Variants in GNS observed in about 807,000 individuals in gnomAD.
GNS encodes the protein N-acetylglucosamine-6-sulfatase.
GNS carries 40 observed loss-of-function variants against 69.7 expected under a neutral mutation model. The ratio of observed to expected loss-of-function variants is 0.57; its 90% CI spans 0.45 to 0.75. GNS has a LOEUF of 0.75. GNS is among the 30% of genes least tolerant of loss of function. The probability of loss-of-function intolerance (pLI) is 0.00; values close to 1 mark genes in which losing one functional copy is unlikely to be tolerated. For missense variants in GNS, 565 were observed against 685.5 expected (o/e 0.82, Z 1.96); for synonymous variants, 243 against 251.6 (o/e 0.97, Z 0.32).
At position 64,745,658 on chromosome 12, in the gene GNS, C is replaced by T. The variant is rs1281016803; in HGVS notation, c.525+1G>A. The T allele has an allele frequency of 6.4e-7, 1 of 1,566,204 alleles. No homozygotes were observed. The highest frequency in any genetic ancestry group is 8.8e-7 in the Non-Finnish European group (1 of 1,136,334). On this transcript the variant is annotated splice_donor_variant, in intron 4 of 13. Coordinates refer to ENST00000258145, the MANE Select transcript of GNS (RefSeq NM_002076.4). LOFTEE classifies it high-confidence loss of function. The stretch of plus-strand genomic sequence containing the variant: ...TGTCACAGACTTCAATAATCACTCA[C>T]CAAGGCATACCAGTAACTCCAACCC...
chr12:64,732,044 T>A (rs2136241969), intron 9 of GNS, among the ~76,000 whole-genome samples: 1 of 152,164 alleles, frequency 6.6e-6, no homozygotes, highest in East Asian at 1.9e-4. Context: ...TGGAGTGCAA[T>A]GGTGCGATCT....
intron 9 of GNS, among the ~76,000 whole-genome samples, chr12:64,729,400 C>T (rs1280239976): frequency 6.6e-6 from 1 of 152,176 alleles, no homozygotes; most frequent in Non-Finnish European, 1.5e-5. Flanking sequence ...TTATTTTATA[C>T]AAAGTGTCTT....
At chr12:64,726,482 T>C (rs770602413) in intron 10 of GNS, among the ~76,000 whole-genome samples, 3 of 152,214 alleles carry the variant, frequency 2.0e-5, no homozygotes, top group Admixed American at 6.5e-5. Context: ...TTTAGAAGCA[T>C]CTTTATAAAT....
At position 64,715,839 on chromosome 12, in the gene GNS, A is replaced by C. The variant is rs1374341548; in HGVS notation, c.*902T>G. ...GTACAGCCCTTCCACTTGTCTGTTC[A>C]AGAGCCCTGTCTTCAGAAGGCCCTC... On this transcript the variant is annotated 3_prime_UTR_variant, in exon 14 of 14. Transcript: ENST00000258145. 1 of 152,232 alleles carries C rather than the reference A, an allele frequency of 6.6e-6. No individual in the cohort carries two copies. The allele number at this position is 152,232 out of a possible 1,614,324, so 9.4% of individuals were successfully genotyped here.
intron 8 of GNS, among the ~76,000 whole-genome samples, chr12:64,738,550 C>T (rs1342414237): frequency 3.3e-5 from 5 of 151,992 alleles, no homozygotes; most frequent in African/African-American, 9.7e-5. Context: ...GTGTGGCTCA[C>T]GTCTGTACTC....
rs1260221068 is a variant in GNS at position 64,714,863 on chromosome 12, A to AT, written c.*1877dup. 3 of 152,618 alleles carry AT rather than the reference A, an allele frequency of 2.0e-5. No individual in the cohort carries two copies. The highest frequency in any genetic ancestry group is 7.2e-5 in the African/African-American group (3 of 41,450). 9.5% of individuals were successfully genotyped at this position (152,618 alleles called of 1,614,324 possible). Reference sequence around the variant, plus strand: ...ATTCAACAGTGCTTTCAGTTACAACATTTTTTGAATTTCCTTCTCTAAAAC... The same window carrying AT: ...ATTCAACAGTGCTTTCAGTTACAACATTTTTTTGAATTTCCTTCTCTAAAAC... On this transcript the variant is annotated 3_prime_UTR_variant, in exon 14 of 14. Transcript: ENST00000258145.
chr12:64,729,013 A>G lies in GNS; in HGVS notation c.1143T>C (p.Ile381=), dbSNP rs778451711. The change falls in exon 10 of 14, where the codon ATT becomes ATC. Residue 381 remains isoleucine, a synonymous_variant. Coordinates refer to ENST00000258145, the MANE Select transcript of GNS (RefSeq NM_002076.4). ...GTGTCTTATTTAGGTCGTAGCCAGC[A>G]ATGTCCAAAATAGTAGGACCCAAGT... ...NIDLGPTILD[I]AGYDLNKTQM... is the part of the protein sequence containing the mutation. The G allele has an allele frequency of 6.2e-7, 1 of 1,603,812 alleles. No homozygotes were observed. Among genetic ancestry groups the G allele is most frequent in the East Asian group, 2.2e-5 (1 of 44,812 alleles).
chr12:64,755,313 C>T (rs180678082), intron 1 of GNS, among the ~76,000 whole-genome samples: 1 of 152,260 alleles, frequency 6.6e-6, no homozygotes, highest in Non-Finnish European at 1.5e-5. Flanking sequence ...TATTTATTCT[C>T]ACACCTGTAA....
chr12:64,744,694 G>C, intron 5 of GNS, 115 bp downstream of exon 5: 1 of 718,132 alleles, frequency 1.4e-6, no homozygotes, highest in South Asian at 1.5e-5. Context: ...CCAAGTTACT[G>C]TGCATTTATA....
At chr12:64,745,183 A>G (rs1051776667) in intron 4 of GNS, among the ~76,000 whole-genome samples, 1 of 146,946 alleles carries the variant, frequency 6.8e-6, no homozygotes, top group Admixed American at 6.9e-5. Flanking sequence ...CCCAGAAAGG[A>G]GTGACTCACA....
At chr12:64,738,814 C>T (rs998844832) in intron 8 of GNS, among the ~76,000 whole-genome samples, 8 of 82,160 alleles carry the variant, frequency 9.7e-5, no homozygotes, top group Non-Finnish European at 1.8e-4. Flanking sequence ...TTCTGTCCCC[C>T]CACCAGCCCC....
chr12:64,728,485 G>A (rs975166788), intron 10 of GNS, among the ~76,000 whole-genome samples: 5 of 152,216 alleles, frequency 3.3e-5, no homozygotes, highest in Admixed American at 6.5e-5. Context: ...TCAGACTTCT[G>A]AAATCTTGGG....
At chr12:64,758,309 C>CTT (rs139394351) in intron 1 of GNS, among the ~76,000 whole-genome samples, 866 of 67,376 alleles carry the variant, frequency 0.013, 124 homozygotes, top group Non-Finnish European at 0.017. Context: ...CACTTCAGGC[C>CTT]TTTTTTTTTT....
At position 64,716,800 on chromosome 12, in the gene GNS, G is replaced by A; in HGVS notation, c.1600C>T (p.Leu534Phe). ...ACACTGCCGCGATTGCTGAACATGA[G>A]ACGGGGGTCAAACCTGTATCTGGGG... Reference protein sequence around the residue: ...FDPGYRFDPRLMFSNRGSVRT... With the variant: ...FDPGYRFDPRFMFSNRGSVRT... The change falls in exon 14 of 14, where the codon CTC becomes TTC. Residue 534 changes from leucine to phenylalanine, a missense_variant. Leu to Phe is a conservative substitution (Grantham distance 22). Coordinates refer to ENST00000258145, the MANE Select transcript of GNS (RefSeq NM_002076.4). 2 of 1,612,542 alleles carry A rather than the reference G, an allele frequency of 1.2e-6. No individual in the cohort carries two copies. The highest frequency in any genetic ancestry group is 1.7e-6 in the Non-Finnish European group (2 of 1,178,524).
rs772397236 is a variant in GNS at position 64,743,221 on chromosome 12, A to G, written c.712T>C (p.Trp238Arg). The G allele has an allele frequency of 5.0e-6, 8 of 1,612,898 alleles. No individual in the cohort carries two copies. In the African/African-American group the frequency reaches 1.1e-4, roughly 22 times the overall value. ...TTCTGGTACTGAGGTGCAGCTGTCC[A>G]AGGCGAATGAGGCGCTGGAGTGGCG... Reference protein sequence around the residue: ...MIATPAPHSPWTAAPQYQKAF... With the variant: ...MIATPAPHSPRTAAPQYQKAF... Residue 238 changes from tryptophan to arginine, a missense_variant, in exon 6 of 14, where the codon TGG becomes CGG. Around this residue, in one of 2 missense-constraint regions of GNS, gnomAD observed 384 missense variants for 511.0 expected, o/e 0.75. Transcript: ENST00000258145.
intron 10 of GNS, among the ~76,000 whole-genome samples, chr12:64,724,807 G>A (rs1260770538): frequency 1.3e-5 from 2 of 152,172 alleles, no homozygotes; most frequent in East Asian, 1.9e-4. Flanking sequence ...GTTGTGGTGA[G>A]CCGAGATTGC....
Position 64,747,190 on chromosome 12 carries a change from C to T in GNS, c.459+522G>A, listed in dbSNP as rs554641171. Among the ~76,000 whole-genome samples the T allele has an allele frequency of 3.9e-5, 6 of 152,274 alleles. No homozygotes were observed. The South Asian group carries it at 1.0e-3, about 26-fold the overall frequency. ...CATACACTTTAATGACCTGCACGAC[C>T]CTGACTCTGGGTAACTAATCTCTGC... On this transcript the variant is annotated intron_variant, in intron 3 of 13. Coordinates refer to ENST00000258145, the MANE Select transcript of GNS (RefSeq NM_002076.4).
At chr12:64,743,396 A>T in intron 5 of GNS, 88 bp from the exon 6 acceptor site, 1 of 915,366 alleles carries the variant, frequency 1.1e-6, no homozygotes, top group Non-Finnish European at 1.8e-6. Flanking sequence ...CAGACAGTAC[A>T]GGGTCTTACT....
In GNS at chr12:64,759,382, T is replaced by C. The variant is rs1051334535; in HGVS notation, c.-106A>G. 5 of 742,974 alleles carry C rather than the reference T, an allele frequency of 6.7e-6. No homozygotes were observed. Among genetic ancestry groups the C allele is most frequent in the Non-Finnish European group, 1.1e-5 (5 of 468,898 alleles). 46.0% of individuals were successfully genotyped at this position (742,974 alleles called of 1,614,324 possible). On this transcript the variant is annotated 5_prime_UTR_variant, in exon 1 of 14. Coordinates refer to ENST00000258145, the MANE Select transcript of GNS (RefSeq NM_002076.4). ...GCCGAAGGAATAAAAAGCCGTGCCTTGAAGGCCGGTGGCTGGAGTCAGACG... is the reference window on the plus strand; with the variant it reads ...GCCGAAGGAATAAAAAGCCGTGCCTCGAAGGCCGGTGGCTGGAGTCAGACG...
Sources: gnomAD v4.1 joint callset for allele counts (sites outside exome capture counted in the v4.1 genomes callset) on GRCh38, gnomAD v4.1.1 for gene constraint, gnomAD v4.1.1 regional missense constraint, MANE v1.5 for transcripts, NCBI Gene and HGNC (gene_info 2026-07-23, HGNC 2026-07-21) for gene names.